SOCS5: variants seen among roughly 807,000 people sequenced by gnomAD.
The protein encoded by SOCS5 is suppressor of cytokine signaling 5, also known as CIS-6.
In SOCS5, 32 loss-of-function variants were observed where a neutral mutation model predicts 42.8. The observed-to-expected ratio is 0.75, with a 90% CI of 0.56 to 1.01. The LOEUF (loss-of-function observed/expected upper bound fraction) is 1.01. Ranked by LOEUF, SOCS5 falls within the 50% of genes least tolerant of loss-of-function variation. The pLI, the probability that SOCS5 is intolerant of heterozygous loss-of-function variation, is 0.00. For synonymous variants in SOCS5, 283 were observed against 229.6 expected, an observed-to-expected ratio of 1.23 and a Z score of -2.10; for missense variants, 627 against 653.0, an observed-to-expected ratio of 0.96 and a Z score of 0.43.
chr2:46,725,444 C>A (rs930661970), intron 1 of SOCS5, among the ~76,000 whole-genome samples: 36 of 151,962 alleles, frequency 2.4e-4, no homozygotes, highest in African/African-American at 8.7e-4. Context: ...TTCCTCTTTT[C>A]CCCCTTCCTG....
At position 46,760,107 on chromosome 2, in the gene SOCS5, G is replaced by A. The variant is rs1476043265; in HGVS notation, c.1577G>A (p.Arg526His). 2 of 1,613,648 alleles carry A rather than the reference G, an allele frequency of 1.2e-6. No individual in the cohort carries two copies. The highest frequency in any genetic ancestry group is 1.1e-5 in the South Asian group (1 of 91,002). ...EYHYKQKVRVRWLEREPVKAK is the reference protein window; with the variant it reads ...EYHYKQKVRVHWLEREPVKAK Reference sequence around the variant, plus strand: ...CATTATAAACAAAAAGTTAGAGTTCGCTGGTTGGAACGAGAACCAGTCAAG... The same window carrying A: ...CATTATAAACAAAAAGTTAGAGTTCACTGGTTGGAACGAGAACCAGTCAAG... Residue 526 changes from arginine to histidine, a missense_variant, in exon 2 of 2, where the codon CGC becomes CAC. Physicochemically the swap from Arg to His is conservative, Grantham distance 29. Around this residue, in one of 3 missense-constraint regions of SOCS5, gnomAD observed 340 missense variants for 367.6 expected, o/e 0.92. Transcript: ENST00000394861.
At chr2:46,711,853 G>A (rs117990200) in intron 1 of SOCS5, among the ~76,000 whole-genome samples, 14 of 152,270 alleles carry the variant, frequency 9.2e-5, no homozygotes, top group East Asian at 7.7e-4. Context: ...TTCCCTTTCC[G>A]CATTAATTGC....
At chr2:46,742,014 A>G (rs1673389873) in intron 1 of SOCS5, among the ~76,000 whole-genome samples, 1 of 152,228 alleles carries the variant, frequency 6.6e-6, no homozygotes, top group South Asian at 2.1e-4. Context: ...TTAGTGTGTG[A>G]CAATGCTACT....
At chr2:46,719,041 G>T (rs1481580821) in intron 1 of SOCS5, among the ~76,000 whole-genome samples, 1 of 152,258 alleles carries the variant, frequency 6.6e-6, no homozygotes, top group Admixed American at 6.5e-5. Flanking sequence ...CAAATGATTA[G>T]GTTATGCTAT....
chr2:46,710,446 C>A (rs143260641), intron 1 of SOCS5, among the ~76,000 whole-genome samples: 1 of 152,096 alleles, frequency 6.6e-6, no homozygotes, highest in East Asian at 1.9e-4. Context: ...TGCCTGGCCT[C>A]CTTTAATTTT....
At chr2:46,758,481 A>T in intron 1 of SOCS5, 38 bp from the exon 2 acceptor site, 1 of 1,423,440 alleles carries the variant, frequency 7.0e-7, no homozygotes, top group Non-Finnish European at 9.6e-7. Flanking sequence ...TGCTACTTTG[A>T]TTAATTTATT....
intron 1 of SOCS5, among the ~76,000 whole-genome samples, chr2:46,723,834 G>A (rs1672936692): frequency 6.6e-6 from 1 of 152,006 alleles, no homozygotes; most frequent in Non-Finnish European, 1.5e-5. Context: ...TTAGAATTGT[G>A]TTAAATCTGT....
At chr2:46,716,678 T>C (rs1011110499) in intron 1 of SOCS5, among the ~76,000 whole-genome samples, 5 of 152,088 alleles carry the variant, frequency 3.3e-5, no homozygotes, top group African/African-American at 1.2e-4. Context: ...AGGGCCTCTC[T>C]ATGTTGCTCA....
intron 1 of SOCS5, among the ~76,000 whole-genome samples, chr2:46,755,011 C>T (rs1673703609): frequency 6.6e-6 from 1 of 152,096 alleles, no homozygotes; most frequent in African/African-American, 2.4e-5. Context: ...TACAGAAATA[C>T]TTTTAATCAG....
At chr2:46,745,884 A>G (rs555525791) in intron 1 of SOCS5, among the ~76,000 whole-genome samples, 2 of 152,296 alleles carry the variant, frequency 1.3e-5, no homozygotes, top group South Asian at 2.1e-4. Context: ...GGGTCTCTGT[A>G]TATGTAAAAA....
rs546431470 is a variant in SOCS5 at position 46,730,751 on chromosome 2, C to T, written c.-12-27768C>T. On this transcript the variant is annotated intron_variant, in intron 1 of 1. Transcript: ENST00000394861. ...AATTGATGGGAAAAAATCTATCAAT[C>T]ACATTTCCGGAGTCTGCTTTATTAA... 1.8e-4 allele frequency among the ~76,000 whole-genome samples: 27 copies of T among 152,308 alleles called. No homozygotes were observed. The South Asian group carries it at 5.6e-3, about 32-fold the overall frequency.
intron 1 of SOCS5, among the ~76,000 whole-genome samples, chr2:46,729,730 G>A (rs1227793461): frequency 6.6e-6 from 1 of 152,132 alleles, no homozygotes; most frequent in Non-Finnish European, 1.5e-5. Context: ...TTACTGTATT[G>A]TAGACCTTAT....
intron 1 of SOCS5, among the ~76,000 whole-genome samples, chr2:46,723,721 G>C (rs1448153991): frequency 6.6e-6 from 1 of 151,934 alleles, no homozygotes; most frequent in Non-Finnish European, 1.5e-5. Flanking sequence ...GATTCTTTCA[G>C]TTTTATTCCT....
chr2:46,732,455 T>C (rs192540100), intron 1 of SOCS5, among the ~76,000 whole-genome samples: 92 of 152,308 alleles, frequency 6.0e-4, no homozygotes, highest in African/African-American at 2.0e-3. Context: ...GAAGGAAGCC[T>C]GGTGTCTCCA....
At chr2:46,718,627 G>T (rs889595891) in intron 1 of SOCS5, among the ~76,000 whole-genome samples, 1 of 152,024 alleles carries the variant, frequency 6.6e-6, no homozygotes, top group Non-Finnish European at 1.5e-5. Context: ...AATTAACAGA[G>T]CTAAATTTGT....
At chr2:46,709,971 T>C (rs1374275638) in intron 1 of SOCS5, among the ~76,000 whole-genome samples, 6 of 152,084 alleles carry the variant, frequency 3.9e-5, no homozygotes, top group African/African-American at 1.4e-4. Context: ...AAAATACAGA[T>C]TTCCAGTCTC....
chr2:46,745,618 T>C (rs1572844652), intron 1 of SOCS5, among the ~76,000 whole-genome samples: 1 of 152,192 alleles, frequency 6.6e-6, no homozygotes, highest in African/African-American at 2.4e-5. Context: ...AAAATTCTAA[T>C]ATTAAAAGAA....
intron 1 of SOCS5, among the ~76,000 whole-genome samples, chr2:46,715,611 A>T (rs1194056362): frequency 6.6e-6 from 1 of 152,162 alleles, no homozygotes; most frequent in Non-Finnish European, 1.5e-5. Context: ...TCCGCCCACC[A>T]TCTTAAAGAT....
chr2:46,704,433 A>G (rs1181058346), intron 1 of SOCS5, among the ~76,000 whole-genome samples: 6 of 152,242 alleles, frequency 3.9e-5, no homozygotes, highest in African/African-American at 9.6e-5. Context: ...AGACCTGCGT[A>G]TATGGTAGGT....
Sources: allele counts gnomAD v4.1 joint callset (sites outside exome capture counted in the v4.1 genomes callset), GRCh38; gene constraint gnomAD v4.1.1; regional missense constraint gnomAD v4.1.1; transcripts MANE v1.5; gene names NCBI Gene and HGNC (gene_info 2026-07-23, HGNC 2026-07-21).